Variants in KIF1B observed in about 807,000 individuals in gnomAD.
KIF1B encodes kinesin-like protein KIF1B.
In KIF1B, 76 loss-of-function variants were observed where a neutral mutation model predicts 241.9. The ratio of observed to expected loss-of-function variants is 0.31; its 90% CI spans 0.26 to 0.38. The LOEUF (loss-of-function observed/expected upper bound fraction) is 0.38. Among genes scored for constraint, KIF1B ranks in the 10% least tolerant of loss-of-function variants. The pLI, the probability that KIF1B is intolerant of heterozygous loss-of-function variation, is 1.00. For missense variants in KIF1B, 1,622 were observed against 2,271.4 expected (o/e 0.71, Z 5.81); for synonymous variants, 750 against 796.7 (o/e 0.94, Z 0.99).
intron 22 of KIF1B, chr1:10,305,182 G>A (rs994486710): frequency 9.6e-7 from 1 of 1,047,064 alleles, no homozygotes. Context: ...ATTTTCGTAA[G>A]CCAAAACTAA....
At chr1:10,273,055 A>G in intron 10 of KIF1B, 24 bp downstream of exon 10, 1 of 1,527,392 alleles carries the variant, frequency 6.5e-7, no homozygotes. Context: ...TGGTAGAGAT[A>G]AACTAGAATT....
rs1647779753 is a variant in KIF1B at position 10,256,336 on chromosome 1, A to G, written c.183+13A>G. 12 of 1,565,594 alleles carry G rather than the reference A, an allele frequency of 7.7e-6. No homozygotes were observed. The highest frequency in any genetic ancestry group is 9.7e-6 in the Non-Finnish European group (11 of 1,135,740). On this transcript the variant is annotated intron_variant, in intron 3 of 48. Coordinates refer to ENST00000676179, the MANE Select transcript of KIF1B (RefSeq NM_001365951.3). Reference sequence around the variant, plus strand: ...GTCTCATACCTCAGTGAGTACCCTCATGCCACAGCACTGCCAGCTCCTGCC... The same window carrying G: ...GTCTCATACCTCAGTGAGTACCCTCGTGCCACAGCACTGCCAGCTCCTGCC...
Position 10,347,789 on chromosome 1 carries a change from G to A in KIF1B, c.3826G>A (p.Ala1276Thr), listed in dbSNP as rs778684643. The A allele has an allele frequency of 6.2e-7, 1 of 1,613,278 alleles. No individual in the cohort carries two copies. The highest frequency in any genetic ancestry group is 1.1e-5 in the South Asian group (1 of 91,056). Residue 1276 changes from alanine (A) to threonine (T), a missense_variant, in exon 36 of 49, where the codon GCA (alanine) becomes ACA (threonine). Around this residue, in one of 7 missense-constraint regions of KIF1B, gnomAD observed 803 missense variants for 1,112.0 expected, o/e 0.72. Transcript: ENST00000676179. The part of the protein sequence containing the change: ...EYIPAVVDHT[A>T]GLPCQGTFLL... ...TATCCCAGCTGTGGTTGACCACACA[G>A]CAGGCTTGCCTTGCCAGGGGACATT... is the stretch of plus-strand genomic sequence containing the variant.
At chr1:10,228,381 A>G (rs1646937452) in intron 1 of KIF1B, among the ~76,000 whole-genome samples, 2 of 152,234 alleles carry the variant, frequency 1.3e-5, no homozygotes, top group Admixed American at 1.3e-4. Context: ...AAAGTATCGT[A>G]AGCTTATGAA....
intron 45 of KIF1B, among the ~76,000 whole-genome samples, chr1:10,372,129 A>G (rs1638749618): frequency 6.6e-6 from 1 of 152,186 alleles, no homozygotes; most frequent in Non-Finnish European, 1.5e-5. Context: ...AGGTAATTTC[A>G]TTAAATTTAG....
Position 10,326,029 on chromosome 1 carries a change from C to G in KIF1B, c.2676-82C>G. On this transcript the variant is annotated intron_variant, in intron 26 of 48. Transcript: ENST00000676179. This position sits in a 1 kb window ranked among gnomAD's most constrained non-coding sequence, Gnocchi z 5.2. Reference sequence around the variant, plus strand: ...TGTTGATTCCCCAGTGGATTCTGTCCTGTTAGCACCTATTGCTTCCTGTTT... The same window carrying G: ...TGTTGATTCCCCAGTGGATTCTGTCGTGTTAGCACCTATTGCTTCCTGTTT... The G allele has an allele frequency of 2.6e-6, 4 of 1,553,566 alleles. No individual in the cohort carries two copies. Among genetic ancestry groups the G allele is most frequent in the Non-Finnish European group, 3.5e-6 (4 of 1,130,798 alleles).
chr1:10,260,319 A>G (rs1648058102), intron 4 of KIF1B, among the ~76,000 whole-genome samples: 2 of 152,214 alleles, frequency 1.3e-5, no homozygotes, highest in African/African-American at 4.8e-5. Flanking sequence ...GTGCTCTTAC[A>G]CTGGAGCTTG....
intron 22 of KIF1B, among the ~76,000 whole-genome samples, chr1:10,314,408 TTTTG>T (rs1280470384): frequency 6.6e-6 from 1 of 151,194 alleles, no homozygotes; most frequent in Non-Finnish European, 1.5e-5. Context: ...AGTTAAAGTT[TTTTG>T]TTTGTTTGTT....
At chr1:10,304,428 T>G (rs746972192) in intron 22 of KIF1B, 1 of 1,613,704 alleles carries the variant, frequency 6.2e-7, no homozygotes, top group Non-Finnish European at 8.5e-7. Flanking sequence ...GTCACCCCAC[T>G]GCTGATGTAC....
intron 2 of KIF1B, 110 bp downstream of exon 2, chr1:10,232,544 C>T (rs1646996589): frequency 5.2e-6 from 4 of 776,094 alleles, no homozygotes; most frequent in South Asian, 4.4e-5. Context: ...ACACTTTGAA[C>T]TTTGCTATTC....
intron 1 of KIF1B, among the ~76,000 whole-genome samples, chr1:10,212,918 A>G (rs777644581): frequency 0.016 from 1,987 of 124,224 alleles, 42 homozygotes; most frequent in Non-Finnish European, 0.023. Flanking sequence ...ATATATATAT[A>G]TATATATATA....
chr1:10,295,243 G>T lies in KIF1B; in HGVS notation c.1670+78G>T, dbSNP rs891090458. ...ATTGAATAACTAAAGGGAAGGGGTT[G>T]AAAAAATTAACGTAATGATTTGCTG... On this transcript the variant is annotated intron_variant, in intron 18 of 48. Coordinates refer to ENST00000676179, the MANE Select transcript of KIF1B (RefSeq NM_001365951.3). 5.6e-6 allele frequency: 5 copies of T among 894,682 alleles called. No homozygotes were observed. The East Asian group carries it at 1.2e-4, about 22-fold the overall frequency. 55.4% of individuals were successfully genotyped at this position (894,682 alleles called of 1,614,324 possible).
intron 43 of KIF1B, among the ~76,000 whole-genome samples, chr1:10,366,237 TAAAATA>T (rs1444829219): frequency 6.6e-6 from 1 of 151,502 alleles, no homozygotes; most frequent in Non-Finnish European, 1.5e-5. Flanking sequence ...TCTCAAAAAA[TAAAATA>T]AAATAATAAA....
intron 3 of KIF1B, among the ~76,000 whole-genome samples, 188 bp from the exon 4 acceptor site, chr1:10,258,305 A>AGT (rs370894887): frequency 9.3e-5 from 14 of 150,994 alleles, no homozygotes; most frequent in Admixed American, 3.3e-4. Context: ...TGTGTTTGTG[A>AGT]GTGTGTGTGT....
chr1:10,308,229 G>A (rs569603474), intron 22 of KIF1B: 21 of 1,061,026 alleles, frequency 2.0e-5, no homozygotes, highest in Admixed American at 5.4e-5. Flanking sequence ...TGAAGGGGCC[G>A]TCTTAGGCAC....
In KIF1B at chr1:10,308,025, G is replaced by A. The variant is rs745834173; in HGVS notation, c.2115+10779G>A. The A allele has an allele frequency of 3.8e-4, 398 of 1,035,294 alleles. 1 individual carries two copies. Among genetic ancestry groups the A allele is most frequent in the Non-Finnish European group, 4.4e-4 (379 of 856,980 alleles). 64.1% of individuals were successfully genotyped at this position (1,035,294 alleles called of 1,614,324 possible). A position where few individuals can be genotyped will look rare whatever the true frequency, so the allele number is the denominator to read the frequency against. On this transcript the variant is annotated intron_variant, in intron 22 of 48. Coordinates refer to ENST00000676179, the MANE Select transcript of KIF1B (RefSeq NM_001365951.3). ...TGTGCTTTAGGTGCAGGTTGACACT[G>A]AAAAAAAAACAAAACACTGAATTTT...
At position 10,326,876 on chromosome 1, in the gene KIF1B, G is replaced by T. The variant is rs1460802080; in HGVS notation, c.2924+517G>T. Among the ~76,000 whole-genome samples, 12 of 152,116 alleles carry T rather than the reference G, an allele frequency of 7.9e-5. No homozygotes were observed. Among genetic ancestry groups the T allele is most frequent in the Admixed American group, 7.9e-4 (12 of 15,282 alleles). The stretch of plus-strand genomic sequence containing the variant: ...TAGAGTTAAATTTATTTTTTGCTTA[G>T]TCTACTGAATCCTAAAAAGAATCAG... On this transcript the variant is annotated intron_variant, in intron 27 of 48. Transcript: ENST00000676179. This position sits in a 1 kb window ranked among gnomAD's most constrained non-coding sequence, Gnocchi z 5.2.
intron 22 of KIF1B, among the ~76,000 whole-genome samples, chr1:10,316,502 A>C (rs908954157): frequency 1.3e-5 from 2 of 150,902 alleles, no homozygotes; most frequent in African/African-American, 4.9e-5. Flanking sequence ...GTTTGTTGCT[A>C]TTGTTGTTGT....
intron 32 of KIF1B, among the ~76,000 whole-genome samples, chr1:10,341,813 T>C (rs909099607): frequency 1.3e-5 from 2 of 151,924 alleles, no homozygotes; most frequent in Non-Finnish European, 2.9e-5. Context: ...TACAAAAAAT[T>C]GTTTTAAATT....
Sources: allele counts gnomAD v4.1 joint callset (sites outside exome capture counted in the v4.1 genomes callset), GRCh38; gene constraint gnomAD v4.1.1; regional missense constraint gnomAD v4.1.1; non-coding constraint Gnocchi (gnomAD v3.1); transcripts MANE v1.5; gene names NCBI Gene and HGNC (gene_info 2026-07-23, HGNC 2026-07-21).